Variants in HYAL4 observed in about 807,000 individuals in gnomAD.
HYAL4 encodes the protein hyaluronidase 4.
In HYAL4, 37 loss-of-function variants were observed where a neutral mutation model predicts 35.2. The ratio of observed to expected loss-of-function variants is 1.05; its 90% CI spans 0.81 to 1.38. The LOEUF (loss-of-function observed/expected upper bound fraction) is 1.38. Ranked by LOEUF, HYAL4 falls within the 40% of genes most tolerant of loss-of-function variation. The pLI is 0.00. For synonymous variants in HYAL4, 198 were observed against 203.2 expected, an observed-to-expected ratio of 0.97 and a Z score of 0.22; for missense variants, 572 against 572.4, an observed-to-expected ratio of 1.00 and a Z score of 0.01.
At chr7:123,869,300 T>A (rs2116959048) in intron 3 of HYAL4, 73 bp downstream of exon 3, 1 of 1,034,274 alleles carries the variant, frequency 9.7e-7, no homozygotes, top group East Asian at 2.6e-5. Context: ...GTTAATTATG[T>A]TCTTTGAAGA....
At chr7:123,772,849 G>C in the HYAL4 span, among the ~76,000 whole-genome samples, 1 of 152,196 alleles carries the variant, frequency 6.6e-6, no homozygotes, top group Non-Finnish European at 1.5e-5. Flanking sequence ...AAAAGCTGCA[G>C]AGGGCCATCC....
the HYAL4 span, among the ~76,000 whole-genome samples, chr7:123,770,542 G>A: frequency 6.6e-6 from 1 of 152,116 alleles, no homozygotes; most frequent in Non-Finnish European, 1.5e-5. Flanking sequence ...GAGTCAGGGT[G>A]GAGGTTTCTA....
the HYAL4 span, among the ~76,000 whole-genome samples, chr7:123,812,960 AT>A: frequency 2.0e-5 from 3 of 152,114 alleles, no homozygotes; most frequent in East Asian, 3.9e-4. Flanking sequence ...ATAATATCCA[AT>A]TTATTTAAAA....
At chr7:123,783,903 TA>T in the HYAL4 span, among the ~76,000 whole-genome samples, 1 of 152,216 alleles carries the variant, frequency 6.6e-6, no homozygotes, top group Non-Finnish European at 1.5e-5. Flanking sequence ...AAAAGTATGC[TA>T]AGTTACCACC....
the HYAL4 span, among the ~76,000 whole-genome samples, chr7:123,782,562 GA>G: frequency 6.6e-6 from 1 of 151,036 alleles, no homozygotes; most frequent in Non-Finnish European, 1.5e-5. Flanking sequence ...CATACATCCT[GA>G]TTTTCCTGGC....
chr7:123,770,225 G>A, the HYAL4 span, among the ~76,000 whole-genome samples: 6 of 151,888 alleles, frequency 4.0e-5, no homozygotes, highest in South Asian at 2.1e-4. Context: ...CGAGACAGGC[G>A]GATCACGAGG....
chr7:123,868,620 T>C lies in HYAL4; in HGVS notation c.347T>C (p.Ile116Thr). The C allele has an allele frequency of 6.2e-7, 1 of 1,614,104 alleles. No individual in the cohort carries two copies. Among genetic ancestry groups the C allele is most frequent in the Middle Eastern group, 1.6e-4 (1 of 6,062 alleles). ...VPINGGLPQN[I>T]SLQVHLEKAD... is the part of the protein sequence containing the mutation. Reference sequence around the variant, plus strand: ...ATTAATGGAGGTCTCCCACAGAACATAAGTTTACAAGTACATCTGGAAAAA... The same window carrying C: ...ATTAATGGAGGTCTCCCACAGAACACAAGTTTACAAGTACATCTGGAAAAA... The change falls in exon 3 of 5, where the codon ATA (isoleucine) becomes ACA (threonine). Residue 116 changes from isoleucine (I) to threonine (T), a missense_variant. Coordinates refer to ENST00000223026, the MANE Select transcript of HYAL4 (RefSeq NM_012269.3).
chr7:123,817,778 G>A, the HYAL4 span, among the ~76,000 whole-genome samples: 37 of 151,438 alleles, frequency 2.4e-4, no homozygotes, highest in African/African-American at 8.2e-4. Flanking sequence ...CCAAAGTGCT[G>A]GGATTACCCA....
chr7:123,808,371 TAC>T, the HYAL4 span, among the ~76,000 whole-genome samples: 13 of 150,400 alleles, frequency 8.6e-5, no homozygotes, highest in African/African-American at 1.5e-4. Context: ...TAGAAATGTG[TAC>T]ACACACACAC....
chr7:123,871,423 C>T lies in HYAL4; in HGVS notation c.954+2196C>T, dbSNP rs531500897. Among the ~76,000 whole-genome samples the T allele has an allele frequency of 1.6e-3, 249 of 152,216 alleles. 1 individual carries two copies. Among genetic ancestry groups the T allele is most frequent in the Non-Finnish European group, 2.8e-3 (190 of 68,016 alleles). On this transcript the variant is annotated intron_variant, in intron 3 of 4. Transcript: ENST00000223026. ...GCCAGGCTGGTTTCGAACTCCTGAC[C>T]TCAAGAGATCCACCCGCCTTGGCCT...
In HYAL4 at chr7:123,868,369, C is replaced by G; in HGVS notation, c.96C>G (p.Ile32Met). ...TTATATTTTTTATTCTAAAGTCTAT[C>G]TCTTGTCTAAAACCTGCTCGACTTC... is the stretch of plus-strand genomic sequence containing the variant. ...WLLIFFILKS[I>M]SCLKPARLPI... The change falls in exon 3 of 5, where the codon ATC becomes ATG. Residue 32 changes from isoleucine (I) to methionine (M), a missense_variant. Ile to Met is a conservative substitution (Grantham distance 10). Coordinates refer to ENST00000223026, the MANE Select transcript of HYAL4 (RefSeq NM_012269.3). The G allele has an allele frequency of 6.2e-7, 1 of 1,611,320 alleles. No homozygotes were observed. The highest frequency in any genetic ancestry group is 8.5e-7 in the Non-Finnish European group (1 of 1,178,996).
chr7:123,793,962 C>T, the HYAL4 span, among the ~76,000 whole-genome samples: 1 of 152,110 alleles, frequency 6.6e-6, no homozygotes, highest in Non-Finnish European at 1.5e-5. Flanking sequence ...ACTTGGAGGG[C>T]ACAGAAGGCA....
At chr7:123,822,897 C>G in the HYAL4 span, among the ~76,000 whole-genome samples, 4 of 152,178 alleles carry the variant, frequency 2.6e-5, no homozygotes, top group African/African-American at 9.7e-5. Context: ...CCCAGGAGTT[C>G]AAAGCTGTAG....
Position 123,869,082 on chromosome 7 carries a change from A to T in HYAL4, c.809A>T (p.Asp270Val), listed in dbSNP as rs1340853897. 4 of 1,614,078 alleles carry T rather than the reference A, an allele frequency of 2.5e-6. No individual in the cohort carries two copies. Among genetic ancestry groups the T allele is most frequent in the Non-Finnish European group, 3.4e-6 (4 of 1,180,034 alleles). Residue 270 changes from aspartate to valine, a missense_variant, in exon 3 of 5, where the codon GAC (aspartate) becomes GTC (valine). By Grantham distance (152) the Asp-to-Val change is radical. Transcript: ENST00000223026. ...ATCGGTGTCTGGAAATCCCTTGGAGACAGTGAAAACATTTTGCGCTTCTCC... is the reference window on the plus strand; with the variant it reads ...ATCGGTGTCTGGAAATCCCTTGGAGTCAGTGAAAACATTTTGCGCTTCTCC... Reference protein sequence around the residue: ...PSIGVWKSLGDSENILRFSKF... With the variant: ...PSIGVWKSLGVSENILRFSKF...
chr7:123,765,234 A>G, the HYAL4 span, among the ~76,000 whole-genome samples: 3 of 145,674 alleles, frequency 2.1e-5, no homozygotes, highest in African/African-American at 7.5e-5. Context: ...GGGTGAAGAA[A>G]GATGAAAAGA....
the HYAL4 span, among the ~76,000 whole-genome samples, chr7:123,812,850 C>A: frequency 6.6e-6 from 1 of 151,990 alleles, no homozygotes; most frequent in East Asian, 1.9e-4. Flanking sequence ...AAATTAAGAT[C>A]CCATGATTAG....
chr7:123,813,241 CGATAA>C, the HYAL4 span, among the ~76,000 whole-genome samples: 4 of 151,942 alleles, frequency 2.6e-5, no homozygotes, highest in African/African-American at 9.7e-5. Context: ...AAAATCCATA[CGATAA>C]GATAATTTTG....
chr7:123,819,895 CTT>C, the HYAL4 span, among the ~76,000 whole-genome samples: 22 of 138,800 alleles, frequency 1.6e-4, no homozygotes, highest in African/African-American at 1.6e-4. Flanking sequence ...CTTTTTTTTT[CTT>C]TTTTTTTTTT....
At chr7:123,777,192 G>GTAGCCAC in the HYAL4 span, among the ~76,000 whole-genome samples, 1 of 151,922 alleles carries the variant, frequency 6.6e-6, no homozygotes, top group East Asian at 1.9e-4. Flanking sequence ...GTGCTGAATG[G>GTAGCCAC]TAGCCACTAG....
Sources: gnomAD v4.1 joint callset for allele counts (sites outside exome capture counted in the v4.1 genomes callset) on GRCh38, gnomAD v4.1.1 for gene constraint, MANE v1.5 for transcripts, NCBI Gene and HGNC (gene_info 2026-07-23, HGNC 2026-07-21) for gene names.